VPS35L: variants seen among roughly 807,000 people sequenced by gnomAD.
VPS35L encodes the protein VPS35 endosomal protein-sorting factor-like.
Under a neutral mutation model 133.0 loss-of-function variants are expected in VPS35L, and 83 were observed. The ratio of observed to expected loss-of-function variants is 0.62; its 90% CI spans 0.52 to 0.75. The LOEUF is 0.75. Ranked by LOEUF, VPS35L falls within the 30% of genes least tolerant of loss-of-function variation. The probability of loss-of-function intolerance (pLI) is 0.00; values close to 1 mark genes in which losing one functional copy is unlikely to be tolerated. For missense variants in VPS35L, 1,083 were observed against 1,206.8 expected (o/e 0.90, Z 1.52); for synonymous variants, 423 against 449.9 (o/e 0.94, Z 0.76).
chr16:19,555,813 G>T, intron 1 of VPS35L, 67 bp downstream of exon 1: 1 of 1,515,802 alleles, frequency 6.6e-7, no homozygotes, highest in South Asian at 1.3e-5. Context: ...GTCGGCCTGG[G>T]TCTGAGAGTG....
At chr16:19,583,447 A>T (rs748820448) in intron 7 of VPS35L, among the ~76,000 whole-genome samples, 11 of 152,170 alleles carry the variant, frequency 7.2e-5, no homozygotes, top group Non-Finnish European at 1.3e-4. Context: ...TGATATTTTG[A>T]TACATGTATC....
intron 28 of VPS35L, among the ~76,000 whole-genome samples, chr16:19,684,020 G>A (rs117926520): frequency 2.0e-5 from 3 of 152,230 alleles, no homozygotes; most frequent in East Asian, 1.9e-4. Context: ...CATGAGCTTC[G>A]TGCCAGGCCT....
intron 8 of VPS35L, among the ~76,000 whole-genome samples, chr16:19,600,275 C>T (rs1972341234): frequency 6.7e-6 from 1 of 149,492 alleles, no homozygotes; most frequent in Admixed American, 6.6e-5. Flanking sequence ...AAAAAAAAAT[C>T]TCATAGAGGG....
At chr16:19,573,556 C>G (rs796636618) in intron 4 of VPS35L, among the ~76,000 whole-genome samples, 1 of 152,116 alleles carries the variant, frequency 6.6e-6, no homozygotes, top group African/African-American at 2.4e-5. Flanking sequence ...CGGTGGCTCA[C>G]GCCTGTTATC....
intron 1 of VPS35L, among the ~76,000 whole-genome samples, chr16:19,556,775 G>A (rs2028264): frequency 0.12 from 18,682 of 150,444 alleles, 1,297 homozygotes; most frequent in Middle Eastern, 0.18. Flanking sequence ...CGCTACATCA[G>A]CATTGAATGC....
chr16:19,643,573 C>T (rs941423534), intron 22 of VPS35L, among the ~76,000 whole-genome samples: 1 of 152,144 alleles, frequency 6.6e-6, no homozygotes, highest in African/African-American at 2.4e-5. Context: ...GCTGGGAAGG[C>T]TCACACATCA....
chr16:19,565,027 G>A (rs774404877), intron 2 of VPS35L, 77 bp downstream of exon 2: 94 of 1,142,968 alleles, frequency 8.2e-5, no homozygotes, highest in Non-Finnish European at 1.1e-4. Flanking sequence ...AGTCTTTTCC[G>A]TTTTGCCAGT....
chr16:19,589,756 C>T (rs1181334938), intron 7 of VPS35L, among the ~76,000 whole-genome samples: 5 of 152,104 alleles, frequency 3.3e-5, no homozygotes, highest in Non-Finnish European at 7.4e-5. Context: ...ATGAAACCAG[C>T]TTGGGAGAAA....
chr16:19,600,742 C>T (rs562322585), intron 8 of VPS35L, among the ~76,000 whole-genome samples: 18 of 152,240 alleles, frequency 1.2e-4, no homozygotes, highest in East Asian at 1.2e-3. Context: ...GTGAAAAGCA[C>T]GCTGATGATG....
chr16:19,584,364 C>T (rs1392103125), intron 7 of VPS35L, among the ~76,000 whole-genome samples: 10 of 152,040 alleles, frequency 6.6e-5, no homozygotes, highest in South Asian at 2.1e-4. Context: ...TGGTGGCTCA[C>T]GCCTGTAATC....
At chr16:19,584,304 A>C (rs1971795945) in intron 7 of VPS35L, among the ~76,000 whole-genome samples, 1 of 152,142 alleles carries the variant, frequency 6.6e-6, no homozygotes. Flanking sequence ...TTGTTACACT[A>C]ATTTGCATTT....
chr16:19,585,212 G>T (rs2151521217), intron 7 of VPS35L, among the ~76,000 whole-genome samples: 1 of 152,216 alleles, frequency 6.6e-6, no homozygotes, highest in Admixed American at 6.5e-5. Flanking sequence ...TATTTGCGTG[G>T]ACTTACATTT....
chr16:19,667,579 C>G (rs1417381866), intron 26 of VPS35L, among the ~76,000 whole-genome samples: 1 of 151,782 alleles, frequency 6.6e-6, no homozygotes, highest in Non-Finnish European at 1.5e-5. Flanking sequence ...ACAAAAAATA[C>G]AAAAATTAGC....
At chr16:19,608,625 A>G (rs1468710831) in intron 10 of VPS35L, 3 of 390,214 alleles carry the variant, frequency 7.7e-6, no homozygotes, top group Non-Finnish European at 1.4e-5. Context: ...GGCAAATGCT[A>G]CTATTGAAGA....
chr16:19,667,611 G>A (rs1974737060), intron 26 of VPS35L, among the ~76,000 whole-genome samples: 1 of 151,852 alleles, frequency 6.6e-6, no homozygotes, highest in South Asian at 2.1e-4. Context: ...GTGCACTCCT[G>A]TAGTCCCAGT....
In VPS35L at chr16:19,590,134, GCCCCGCCC is replaced by G. The variant is rs1458352148; in HGVS notation, c.640-1651_640-1644del. Among the ~76,000 whole-genome samples the G allele has an allele frequency of 7.6e-3, 156 of 20,636 alleles. 1 individual carries two copies. The East Asian group carries it at 0.094, about 12-fold the overall frequency. 13.5% of individuals were successfully genotyped at this position (20,636 alleles called of 152,430 possible). On this transcript the variant is annotated intron_variant, in intron 7 of 30. Coordinates refer to ENST00000417362, the MANE Select transcript of VPS35L (RefSeq NM_020314.7). ...TATTGTTTTTACAGCTTACATTCCC[GCCCCGCCC>G]CCCCCCCCCCCCCCACAAATAACAT...
intron 28 of VPS35L, 25 bp from the exon 29 acceptor site, chr16:19,691,328 C>T: frequency 6.3e-7 from 1 of 1,586,124 alleles, no homozygotes; most frequent in East Asian, 2.2e-5. Flanking sequence ...TTGGGTCTGT[C>T]TCACTGTTCT....
intron 1 of VPS35L, among the ~76,000 whole-genome samples, chr16:19,561,227 C>A (rs954569273): frequency 5.9e-5 from 9 of 151,942 alleles, no homozygotes; most frequent in Non-Finnish European, 1.3e-4. Context: ...AAAAATTAGC[C>A]GGGTGTGGTG....
intron 22 of VPS35L, among the ~76,000 whole-genome samples, chr16:19,644,565 G>T (rs1018336678): frequency 2.0e-5 from 3 of 152,120 alleles, no homozygotes; most frequent in African/African-American, 7.2e-5. Flanking sequence ...AATATTCAAT[G>T]AAATTTCCCT....
Sources: allele counts gnomAD v4.1 joint callset (sites outside exome capture counted in the v4.1 genomes callset), GRCh38; gene constraint gnomAD v4.1.1; transcripts MANE v1.5; gene names NCBI Gene and HGNC (gene_info 2026-07-23, HGNC 2026-07-21).